The following DLGAP2 variants were observed in gnomAD, a reference collection of about 807,000 sequenced individuals.
DLGAP2 encodes the protein DLG associated protein 2, also known as disks large-associated protein 2.
A neutral mutation model predicts 100.3 loss-of-function variants in DLGAP2; 26 were observed. The observed-to-expected ratio is 0.26, with a 90% confidence interval of 0.19 to 0.36. DLGAP2 has a LOEUF of 0.36. Ranked by LOEUF, DLGAP2 falls within the 10% of genes least tolerant of loss-of-function variation. DLGAP2 has a pLI of 1.00. For synonymous variants in DLGAP2, 886 were observed against 630.1 expected (o/e 1.41, Z -6.08); for missense variants, 1,858 against 1,453.2 (o/e 1.28, Z -4.53).
intron 3 of DLGAP2, among the ~76,000 whole-genome samples, chr8:1,360,473 G>GACCC (rs10678235): frequency 0.59 from 89,507 of 151,490 alleles, 27,073 homozygotes; most frequent in East Asian, 0.72. Flanking sequence ...AAATTGAAGG[G>GACCC]ACCCTGCCCC....
intron 2 of DLGAP2, among the ~76,000 whole-genome samples, chr8:969,280 T>A (rs1799956351): frequency 6.6e-6 from 1 of 152,150 alleles, no homozygotes. Flanking sequence ...AGACTGGAAC[T>A]TCACAGTTGG....
chr8:1,423,576 C>A (rs1309595430), intron 3 of DLGAP2, among the ~76,000 whole-genome samples: 2 of 152,216 alleles, frequency 1.3e-5, no homozygotes, highest in Admixed American at 6.5e-5. Flanking sequence ...TTGAAAAGCA[C>A]GACTTCCAGG....
chr8:1,154,943 TCCTCACTGCAGCC>T (rs1241754820), intron 2 of DLGAP2, among the ~76,000 whole-genome samples: 1 of 152,178 alleles, frequency 6.6e-6, no homozygotes, highest in East Asian at 1.9e-4. Context: ...TTACTGTTTC[TCCTCACTGCAGCC>T]CCTCACCAGG....
intron 2 of DLGAP2, among the ~76,000 whole-genome samples, chr8:1,157,200 TAC>T (rs1440368701): frequency 6.6e-6 from 1 of 152,110 alleles, no homozygotes; most frequent in African/African-American, 2.4e-5. Flanking sequence ...GTGGGTTCCG[TAC>T]CCCGTGTGTG....
At chr8:1,090,868 C>T (rs767579954) in intron 2 of DLGAP2, among the ~76,000 whole-genome samples, 36 of 152,226 alleles carry the variant, frequency 2.4e-4, no homozygotes, top group Admixed American at 3.9e-4. Flanking sequence ...TTTAGACTCA[C>T]ATGAAAATCA....
intron 2 of DLGAP2, among the ~76,000 whole-genome samples, chr8:1,011,399 G>A (rs1471607382): frequency 6.7e-6 from 1 of 149,076 alleles, no homozygotes; most frequent in Admixed American, 6.6e-5. Flanking sequence ...CTAGAATGAG[G>A]AGTCTCAGTC....
chr8:1,436,755 A>C (rs1797643728), intron 3 of DLGAP2, among the ~76,000 whole-genome samples: 1 of 151,906 alleles, frequency 6.6e-6, no homozygotes, highest in Non-Finnish European at 1.5e-5. Flanking sequence ...CCATTCACCC[A>C]CCCACTCACC....
At chr8:1,506,480 G>A (rs1445570663) in intron 4 of DLGAP2, among the ~76,000 whole-genome samples, 1 of 152,184 alleles carries the variant, frequency 6.6e-6, no homozygotes, top group East Asian at 1.9e-4. Flanking sequence ...CAGGAGTGAA[G>A]CTGCAGATCT....
At chr8:1,319,729 G>A (rs73170452) in intron 3 of DLGAP2, among the ~76,000 whole-genome samples, 31,203 of 152,078 alleles carry the variant, frequency 0.21, 3,416 homozygotes, top group Middle Eastern at 0.31. Context: ...ATGGGAAGAG[G>A]CAGGACATCA....
chr8:1,595,635 C>T (rs1385116084), intron 6 of DLGAP2, among the ~76,000 whole-genome samples: 1 of 147,746 alleles, frequency 6.8e-6, no homozygotes, highest in Non-Finnish European at 1.5e-5. Context: ...CCACTGCAGT[C>T]CGCAGTCCCG....
intron 3 of DLGAP2, among the ~76,000 whole-genome samples, chr8:1,297,763 G>T (rs571838758): frequency 9.6e-6 from 1 of 103,698 alleles, no homozygotes; most frequent in South Asian, 3.7e-4. Flanking sequence ...GAGGAGAAAC[G>T]TGGCAGGCGT....
intron 3 of DLGAP2, among the ~76,000 whole-genome samples, chr8:1,287,867 C>G (rs1391077542): frequency 8.8e-6 from 1 of 113,182 alleles, no homozygotes; most frequent in East Asian, 2.9e-4. Flanking sequence ...AGGAGGGGAA[C>G]TTGTTTTGGT....
intron 6 of DLGAP2, among the ~76,000 whole-genome samples, chr8:1,593,357 A>T (rs1362342552): frequency 2.0e-5 from 3 of 152,070 alleles, no homozygotes; most frequent in Non-Finnish European, 1.5e-5. Flanking sequence ...CAGGAGGCTG[A>T]GGCAGGAGAA....
chr8:1,242,942 GAT>G (rs1400703309), intron 2 of DLGAP2, among the ~76,000 whole-genome samples: 14 of 10,714 alleles, frequency 1.3e-3, no homozygotes, highest in African/African-American at 3.2e-3. Flanking sequence ...TGGATTGATA[GAT>G]GGATGGATGG....
chr8:976,278 A>G (rs955722731), intron 2 of DLGAP2, among the ~76,000 whole-genome samples: 1 of 152,172 alleles, frequency 6.6e-6, no homozygotes, highest in Non-Finnish European at 1.5e-5. Context: ...GTATTGGTCA[A>G]AAAATCGGCC....
chr8:980,978 T>C (rs1800315436), intron 2 of DLGAP2, among the ~76,000 whole-genome samples: 1 of 152,138 alleles, frequency 6.6e-6, no homozygotes, highest in Non-Finnish European at 1.5e-5. Context: ...TCAATGGTAT[T>C]AATTATATCT....
At chr8:1,312,645 A>C (rs1412342938) in intron 3 of DLGAP2, among the ~76,000 whole-genome samples, 3 of 152,212 alleles carry the variant, frequency 2.0e-5, no homozygotes, top group African/African-American at 7.2e-5. Context: ...ACACACTTAA[A>C]ATGAGTGAAA....
chr8:950,767 A>T (rs1273906667), intron 2 of DLGAP2, among the ~76,000 whole-genome samples: 4 of 151,626 alleles, frequency 2.6e-5, no homozygotes, highest in Non-Finnish European at 5.9e-5. Context: ...GATTACAGGC[A>T]TGTGCCACCG....
rs28619426 is a variant in DLGAP2, at chr8:1,536,298, T to G, written c.173-12328T>G. 4.5e-4 allele frequency among the ~76,000 whole-genome samples: 69 copies of G among 152,024 alleles called. 1 individual carries two copies. In the South Asian group the frequency reaches 7.3e-3, roughly 16 times the overall value. On this transcript the variant is annotated intron_variant, in intron 4 of 14. Transcript: ENST00000637795. The stretch of plus-strand genomic sequence containing the variant: ...CAGTCATGGGTAGTGACTGACGACT[T>G]CCCGGGATTGTTAGCAGAACCACAT...
Sources: allele counts gnomAD v4.1 joint callset (sites outside exome capture counted in the v4.1 genomes callset), GRCh38; gene constraint gnomAD v4.1.1; transcripts MANE v1.5; gene names NCBI Gene and HGNC (gene_info 2026-07-23, HGNC 2026-07-21).